The following NAV2 variants were observed in gnomAD, a reference collection of about 807,000 sequenced individuals.
NAV2 encodes neuron navigator 2.
A neutral mutation model predicts 223.2 loss-of-function variants in NAV2; 54 were observed. That is an observed-to-expected ratio of 0.24 (90% CI 0.19 to 0.30). The LOEUF (loss-of-function observed/expected upper bound fraction) is 0.30, where lower values mean the gene tolerates loss of function less well. NAV2 is among the 10% of genes least tolerant of loss of function. The pLI is 1.00. For missense variants in NAV2, 2,806 were observed against 3,147.5 expected, an observed-to-expected ratio of 0.89 and a Z score of 2.60; for synonymous variants, 1,279 against 1,239.3, an observed-to-expected ratio of 1.03 and a Z score of -0.67.
chr11:20,068,539 G>C, intron 22 of NAV2, 141 bp downstream of exon 22: 1 of 675,910 alleles, frequency 1.5e-6, no homozygotes, highest in South Asian at 1.8e-5. Context: ...TCATGGGTGT[G>C]AATGTCAGTT....
At chr11:19,527,393 G>A (rs942928265) in intron 1 of NAV2, among the ~76,000 whole-genome samples, 2 of 152,098 alleles carry the variant, frequency 1.3e-5, no homozygotes, top group African/African-American at 4.8e-5. Context: ...CCCAGTCTCA[G>A]GTGTGTCTTT....
In NAV2 at chr11:19,842,932, T is replaced by C. The variant is rs764727529; in HGVS notation, c.438+9T>C. The C allele has an allele frequency of 6.8e-6, 11 of 1,612,838 alleles. No homozygotes were observed. The highest frequency in any genetic ancestry group is 8.5e-6 in the Non-Finnish European group (10 of 1,179,070). On this transcript the variant is annotated intron_variant, in intron 3 of 37. Transcript: ENST00000349880. ...AGAACAGATCCCAAATGGTAAGTGG[T>C]GCATAGGTAGTAAATGTTTGAGTTC... is the stretch of plus-strand genomic sequence containing the variant.
chr11:19,383,489 C>T (rs965084772), intron 1 of NAV2, among the ~76,000 whole-genome samples: 2 of 152,204 alleles, frequency 1.3e-5, no homozygotes, highest in Non-Finnish European at 2.9e-5. Context: ...CCCACCCCTG[C>T]TCCCAACAAT....
intron 12 of NAV2, among the ~76,000 whole-genome samples, chr11:20,038,608 G>A (rs1452392249): frequency 1.3e-5 from 2 of 152,176 alleles, no homozygotes; most frequent in Non-Finnish European, 2.9e-5. Flanking sequence ...AGCGGCATCA[G>A]GCAATGGGAA....
chr11:19,346,296 C>T (rs1853002235), upstream of NAV2, among the ~76,000 whole-genome samples: 1 of 152,340 alleles, frequency 6.6e-6, no homozygotes, highest in African/African-American at 2.4e-5. Context: ...TGCCTCTTTG[C>T]TGTGCCTGTC....
At chr11:19,727,122 A>G (rs1318573112) in intron 1 of NAV2, among the ~76,000 whole-genome samples, 4 of 152,320 alleles carry the variant, frequency 2.6e-5, no homozygotes, top group South Asian at 4.2e-4. Flanking sequence ...TTTGGTCACC[A>G]TGACCAGAGA....
At chr11:19,345,498 A>T in the NAV2 span, among the ~76,000 whole-genome samples, 2 of 152,176 alleles carry the variant, frequency 1.3e-5, no homozygotes, top group Non-Finnish European at 2.9e-5. The surrounding 1 kb of genome is among the most constrained non-coding windows in gnomAD (Gnocchi z 5.2). Flanking sequence ...CCGGCCCCTC[A>T]TTGAGAGGCT....
intron 8 of NAV2, among the ~76,000 whole-genome samples, chr11:19,944,922 C>T (rs985605569): frequency 7.0e-6 from 1 of 143,842 alleles, no homozygotes; most frequent in African/African-American, 2.6e-5. Flanking sequence ...CTCTTTCTTT[C>T]TTTTCTTTTC....
chr11:19,821,869 T>C (rs1433088372), intron 1 of NAV2, among the ~76,000 whole-genome samples: 1 of 152,206 alleles, frequency 6.6e-6, no homozygotes, highest in Admixed American at 6.5e-5. Flanking sequence ...GCACTTGACC[T>C]TCTGTGGTAG....
At chr11:19,524,898 C>T (rs953149349) in intron 1 of NAV2, among the ~76,000 whole-genome samples, 1 of 152,178 alleles carries the variant, frequency 6.6e-6, no homozygotes, top group East Asian at 1.9e-4. Context: ...ACAGACACAG[C>T]TTCGTGTTTA....
intron 10 of NAV2, among the ~76,000 whole-genome samples, chr11:19,954,583 A>C (rs573403061): frequency 6.6e-6 from 1 of 152,222 alleles, no homozygotes; most frequent in Non-Finnish European, 1.5e-5. Flanking sequence ...ATCTAATACA[A>C]TGTAAATGCT....
rs2063398225 is a variant in NAV2 at position 20,120,138 on chromosome 11, G to C, written c.*1880G>C. 1 of 152,120 alleles carries C rather than the reference G, an allele frequency of 6.6e-6. No homozygotes were observed. Among genetic ancestry groups the C allele is most frequent in the Non-Finnish European group, 1.5e-5 (1 of 68,012 alleles). 9.4% of individuals were successfully genotyped at this position (152,120 alleles called of 1,614,324 possible). On this transcript the variant is annotated 3_prime_UTR_variant, in exon 38 of 38. Coordinates refer to ENST00000349880, the MANE Select transcript of NAV2 (RefSeq NM_145117.5). ...GCATTTCTTCTATTTCTGAAGGTTT[G>C]TCTCTTGGCATCTTTTTTTAGTTTC... is the stretch of plus-strand genomic sequence containing the variant.
intron 10 of NAV2, among the ~76,000 whole-genome samples, chr11:19,950,485 G>C (rs749540204): frequency 6.6e-6 from 1 of 152,224 alleles, no homozygotes; most frequent in Non-Finnish European, 1.5e-5. Context: ...TTTTATTGCT[G>C]TATTGAAATA....
At chr11:19,891,615 CAAAAT>C (rs1381503895) in intron 5 of NAV2, among the ~76,000 whole-genome samples, 1 of 152,168 alleles carries the variant, frequency 6.6e-6, no homozygotes, top group African/African-American at 2.4e-5. Flanking sequence ...ACTTCAGCCT[CAAAAT>C]AATGCCTTTG....
chr11:19,667,181 T>C (rs2048437206), intron 1 of NAV2, among the ~76,000 whole-genome samples: 1 of 152,214 alleles, frequency 6.6e-6, no homozygotes, highest in African/African-American at 2.4e-5. Flanking sequence ...ACAGAGGATG[T>C]GCTTGTTCTT....
In NAV2 at chr11:19,757,055, G is replaced by A. The variant is rs144971127; in HGVS notation, c.267+43093G>A. 3.1e-4 allele frequency among the ~76,000 whole-genome samples: 47 copies of A among 152,286 alleles called. No individual in the cohort carries two copies. The East Asian group carries it at 8.5e-3, about 28-fold the overall frequency. Reference sequence around the variant, plus strand: ...TCCACGGGGAAGACCCTGATGCCCAGAGAACACACTGTGCCAGCTGGAAAC... The same window carrying A: ...TCCACGGGGAAGACCCTGATGCCCAAAGAACACACTGTGCCAGCTGGAAAC... On this transcript the variant is annotated intron_variant, in intron 1 of 37. Transcript: ENST00000349880.
chr11:19,486,355 C>T (rs1236251367), intron 1 of NAV2, among the ~76,000 whole-genome samples: 1 of 152,112 alleles, frequency 6.6e-6, no homozygotes, highest in African/African-American at 2.4e-5. Flanking sequence ...CTTTCTGGTA[C>T]TTCTGCCTTA....
chr11:19,882,863 G>A (rs2063303194), intron 5 of NAV2, among the ~76,000 whole-genome samples: 1 of 152,152 alleles, frequency 6.6e-6, no homozygotes, highest in South Asian at 2.1e-4. Flanking sequence ...CCCAGGTTGG[G>A]TTACTTCTGC....
At chr11:19,412,406 A>C (rs890044570) in intron 1 of NAV2, among the ~76,000 whole-genome samples, 5 of 152,200 alleles carry the variant, frequency 3.3e-5, no homozygotes, top group African/African-American at 1.2e-4. Flanking sequence ...CTCTGAAAGA[A>C]AGGCAGCAAC....
Sources: gnomAD v4.1 joint callset for allele counts (sites outside exome capture counted in the v4.1 genomes callset) on GRCh38, gnomAD v4.1.1 for gene constraint, Gnocchi (gnomAD v3.1) non-coding constraint, MANE v1.5 for transcripts, NCBI Gene and HGNC (gene_info 2026-07-23, HGNC 2026-07-21) for gene names.